MAF: variants seen among roughly 807,000 people sequenced by gnomAD.
The protein encoded by MAF is transcription factor Maf.
A neutral mutation model predicts 22.0 loss-of-function variants in MAF; 10 were observed. The observed-to-expected ratio is 0.45, with a 90% confidence interval of 0.28 to 0.77. MAF has a LOEUF of 0.77. Among genes scored for constraint, MAF ranks in the 30% least tolerant of loss-of-function variants. MAF has a pLI of 0.12. For missense variants in MAF, 544 were observed against 548.4 expected (o/e 0.99, Z 0.08); for synonymous variants, 337 against 255.8 (o/e 1.32, Z -3.03).
chr16:79,384,218 T>G, the MAF span, among the ~76,000 whole-genome samples: 2 of 151,768 alleles, frequency 1.3e-5, no homozygotes, highest in Non-Finnish European at 2.9e-5. Flanking sequence ...CCAAGTCAAG[T>G]GGATCACCTG....
the MAF span, among the ~76,000 whole-genome samples, chr16:79,216,154 GTATA>G: frequency 6.7e-6 from 1 of 148,560 alleles, no homozygotes; most frequent in Non-Finnish European, 1.5e-5. Flanking sequence ...ATGCACATCT[GTATA>G]TGTATGTCGT....
the MAF span, among the ~76,000 whole-genome samples, chr16:79,323,780 G>T: frequency 1.2e-4 from 19 of 152,216 alleles, no homozygotes; most frequent in Middle Eastern, 6.8e-3. Context: ...AGAGGGTTAA[G>T]GAAATAACGA....
chr16:79,499,567 G>C, the MAF span, among the ~76,000 whole-genome samples: 1 of 152,130 alleles, frequency 6.6e-6, no homozygotes, highest in African/African-American at 2.4e-5. Flanking sequence ...CACGAGAATG[G>C]GGTCATCATG....
the MAF span, among the ~76,000 whole-genome samples, chr16:79,469,808 G>C: frequency 3.6e-4 from 54 of 152,006 alleles, no homozygotes; most frequent in African/African-American, 1.3e-3. Context: ...TGTTGGTCAG[G>C]CTGGTCTCGA....
chr16:79,394,975 C>G, the MAF span, among the ~76,000 whole-genome samples: 1 of 152,218 alleles, frequency 6.6e-6, no homozygotes, highest in East Asian at 1.9e-4. Flanking sequence ...GAGCATATAG[C>G]ACAGAGCTTA....
chr16:79,597,308 A>G, intron 1 of MAF: 1 of 1,040,578 alleles, frequency 9.6e-7, no homozygotes. Flanking sequence ...GAATTAAATT[A>G]TATACTAGAA....
intron 1 of MAF, chr16:79,594,779 T>TA: frequency 7.5e-7 from 1 of 1,332,234 alleles, no homozygotes; most frequent in Non-Finnish European, 9.6e-7. Context: ...TTGTTATTTC[T>TA]AAAAATGCCT....
At chr16:79,486,869 A>C in the MAF span, among the ~76,000 whole-genome samples, 3 of 152,162 alleles carry the variant, frequency 2.0e-5, no homozygotes, top group Non-Finnish European at 2.9e-5. Context: ...ACTCGTAGCT[A>C]CTCCATGGCC....
At chr16:79,426,845 C>A in the MAF span, among the ~76,000 whole-genome samples, 1 of 152,198 alleles carries the variant, frequency 6.6e-6, no homozygotes, top group African/African-American at 2.4e-5. Context: ...CTGGGGCCAA[C>A]ACATAGGGTG....
the MAF span, among the ~76,000 whole-genome samples, chr16:79,485,850 G>T: frequency 6.6e-6 from 1 of 152,160 alleles, no homozygotes; most frequent in African/African-American, 2.4e-5. Flanking sequence ...GCGGCTGGCA[G>T]AGAGCATATG....
At chr16:79,239,745 C>A in the MAF span, among the ~76,000 whole-genome samples, 2 of 152,002 alleles carry the variant, frequency 1.3e-5, no homozygotes, top group African/African-American at 4.8e-5. Flanking sequence ...TTGCTGAAAT[C>A]CCCAGAAGTT....
chr16:79,237,783 C>G, the MAF span, among the ~76,000 whole-genome samples: 1 of 152,130 alleles, frequency 6.6e-6, no homozygotes, highest in Non-Finnish European at 1.5e-5. Flanking sequence ...CCACCAGTGG[C>G]TAGCAGCGAC....
At chr16:79,550,912 G>A in the MAF span, among the ~76,000 whole-genome samples, 1 of 152,130 alleles carries the variant, frequency 6.6e-6, no homozygotes, top group South Asian at 2.1e-4. Flanking sequence ...CTCTCCCCCA[G>A]AACCACAGCA....
At chr16:79,245,761 T>A in the MAF span, among the ~76,000 whole-genome samples, 2 of 152,044 alleles carry the variant, frequency 1.3e-5, no homozygotes, top group Non-Finnish European at 2.9e-5. Flanking sequence ...TGCACACATA[T>A]GTTTACTGCA....
chr16:79,464,064 G>A, the MAF span, among the ~76,000 whole-genome samples: 1 of 152,026 alleles, frequency 6.6e-6, no homozygotes, highest in Non-Finnish European at 1.5e-5. Flanking sequence ...GATGCAACTC[G>A]AACAGATGAC....
the MAF span, among the ~76,000 whole-genome samples, chr16:79,455,145 A>G: frequency 6.7e-6 from 1 of 149,824 alleles, no homozygotes; most frequent in Non-Finnish European, 1.5e-5. Context: ...TCCATTTCCC[A>G]TGTCACCTAT....
chr16:79,586,929 T>A (rs1480746536), intron 1 of MAF, among the ~76,000 whole-genome samples: 1 of 152,248 alleles, frequency 6.6e-6, no homozygotes, highest in Non-Finnish European at 1.5e-5. Context: ...TATTCAGTTA[T>A]TTTTCTTTAA....
the MAF span, among the ~76,000 whole-genome samples, chr16:79,369,446 A>T: frequency 6.6e-6 from 1 of 152,208 alleles, no homozygotes; most frequent in African/African-American, 2.4e-5. Flanking sequence ...ATCCCAGAAA[A>T]CTAGTTCTGC....
chr16:79,460,113 A>G, the MAF span, among the ~76,000 whole-genome samples: 2 of 152,110 alleles, frequency 1.3e-5, no homozygotes, highest in African/African-American at 4.8e-5. Context: ...TGTGAATACT[A>G]ACACTTTCAT....
Sources: gnomAD v4.1 joint callset for allele counts (sites outside exome capture counted in the v4.1 genomes callset) on GRCh38, gnomAD v4.1.1 for gene constraint, MANE v1.5 for transcripts, NCBI Gene and HGNC (gene_info 2026-07-23, HGNC 2026-07-21) for gene names.